RNF130: variants seen among roughly 807,000 people sequenced by gnomAD.
RNF130 encodes E3 ubiquitin-protein ligase RNF130.
RNF130 carries 21 observed loss-of-function variants against 44.6 expected under a neutral mutation model. That is an observed-to-expected ratio of 0.47 (90% confidence interval 0.33 to 0.68). RNF130 has a LOEUF of 0.68. RNF130 is among the 30% of genes least tolerant of loss of function. The pLI, the probability that RNF130 is intolerant of heterozygous loss-of-function variation, is 0.02. For missense variants in RNF130, 479 were observed against 560.6 expected, an observed-to-expected ratio of 0.85 and a Z score of 1.47; for synonymous variants, 214 against 210.4, an observed-to-expected ratio of 1.02 and a Z score of -0.15.
chr5:179,971,393 G>A (rs1053360667), intron 5 of RNF130, among the ~76,000 whole-genome samples: 3 of 152,150 alleles, frequency 2.0e-5, no homozygotes, highest in African/African-American at 4.8e-5. Context: ...TTTTTGAGAC[G>A]GAGTCTTGCT....
intron 3 of RNF130, among the ~76,000 whole-genome samples, chr5:180,009,356 G>A (rs1019556299): frequency 3.9e-5 from 6 of 152,140 alleles, no homozygotes; most frequent in East Asian, 1.9e-4. Context: ...CATATTTGAC[G>A]AAGGACTTGT....
intron 2 of RNF130, among the ~76,000 whole-genome samples, chr5:180,038,708 T>C (rs1764335651): frequency 6.6e-6 from 1 of 152,126 alleles, no homozygotes; most frequent in Admixed American, 6.6e-5. Context: ...ACAAGTAATT[T>C]AATTTTTTTT....
chr5:179,951,653 A>C (rs1183840089), downstream of RNF130, among the ~76,000 whole-genome samples: 1 of 152,228 alleles, frequency 6.6e-6, no homozygotes, highest in Non-Finnish European at 1.5e-5. Context: ...TCTCCAGGAT[A>C]GACCATGTTA....
At chr5:180,040,905 T>TA (rs1561703527) in intron 1 of RNF130, among the ~76,000 whole-genome samples, 3 of 151,944 alleles carry the variant, frequency 2.0e-5, no homozygotes, top group South Asian at 4.2e-4. Context: ...TGATAAAAAA[T>TA]AAAAAAGGAC....
At chr5:180,010,567 C>T (rs1763570324) in intron 3 of RNF130, among the ~76,000 whole-genome samples, 1 of 152,090 alleles carries the variant, frequency 6.6e-6, no homozygotes, top group Non-Finnish European at 1.5e-5. Flanking sequence ...GCCATGTTGG[C>T]CAGGCTGGTC....
chr5:179,937,931 T>TGA lies in RNF130; in HGVS notation c.1151-17506_1151-17505insTC, dbSNP rs1352445372. 2.8e-3 allele frequency among the ~76,000 whole-genome samples: 370 copies of TGA among 131,038 alleles called. 1 individual carries two copies. Among genetic ancestry groups the TGA allele is most frequent in the Middle Eastern group, 7.8e-3 (2 of 258 alleles). 86.0% of individuals were successfully genotyped at this position (131,038 alleles called of 152,430 possible). ...GTGTGTGTGTGTGTGTGTGTGTGTGTGTGAGAGAGAGAGAGAGAGAGAGAG... is the reference window on the plus strand; with the variant it reads ...GTGTGTGTGTGTGTGTGTGTGTGTGTGAGTGAGAGAGAGAGAGAGAGAGAGAG... On this transcript the variant is annotated intron_variant, in intron 7 of 7. Coordinates refer to the RNF130 transcript ENST00000522208.
At chr5:179,968,951 C>A (rs1582149749) in intron 6 of RNF130, among the ~76,000 whole-genome samples, 1 of 152,192 alleles carries the variant, frequency 6.6e-6, no homozygotes, top group African/African-American at 2.4e-5. Flanking sequence ...TCACTACTGA[C>A]ATGATCTCTG....
In RNF130 at chr5:180,043,141, A is replaced by T. The variant is rs559820172; in HGVS notation, c.248-2494T>A. On this transcript the variant is annotated intron_variant, in intron 1 of 8. Transcript: ENST00000521389. ...AAGACTAGCCTGGGCACATAGTAAG[A>T]CCCTCATCTCTACACAAAATAAAAA... Among the ~76,000 whole-genome samples the T allele has an allele frequency of 2.6e-5, 4 of 152,136 alleles. No homozygotes were observed. The South Asian group carries it at 8.3e-4, about 32-fold the overall frequency.
chr5:179,994,545 T>C (rs765534707), intron 3 of RNF130, among the ~76,000 whole-genome samples: 1 of 152,154 alleles, frequency 6.6e-6, no homozygotes, highest in Non-Finnish European at 1.5e-5. Context: ...TGAGTAGGAT[T>C]GTTTGACTTT....
intron 2 of RNF130, among the ~76,000 whole-genome samples, chr5:180,018,372 C>T (rs1763791588): frequency 6.6e-6 from 1 of 151,964 alleles, no homozygotes; most frequent in Non-Finnish European, 1.5e-5. Context: ...CTAGGGAAGC[C>T]TCAGGAAACT....
intron 3 of RNF130, among the ~76,000 whole-genome samples, chr5:180,011,577 C>T (rs1763596876): frequency 6.6e-6 from 1 of 152,042 alleles, no homozygotes; most frequent in African/African-American, 2.4e-5. Flanking sequence ...ACCAGCCTGG[C>T]CAACACTGCA....
chr5:180,054,244 T>G (rs993009981), intron 1 of RNF130, among the ~76,000 whole-genome samples: 5 of 152,328 alleles, frequency 3.3e-5, no homozygotes, highest in African/African-American at 1.2e-4. Flanking sequence ...TTGAGATGAT[T>G]TGTAACGACC....
intron 4 of RNF130, among the ~76,000 whole-genome samples, chr5:179,978,822 C>T (rs1343819047): frequency 6.6e-6 from 1 of 152,210 alleles, no homozygotes; most frequent in African/African-American, 2.4e-5. Context: ...CAATTCAATA[C>T]TCGGTCTTCA....
intron 7 of RNF130, 79 bp downstream of exon 7, chr5:179,966,727 T>C (rs1463376403): frequency 1.6e-6 from 2 of 1,273,206 alleles, no homozygotes; most frequent in African/African-American, 3.0e-5. Context: ...CTGAGGCGAG[T>C]GCCTTGACTC....
At chr5:180,062,013 C>T (rs1310414292) in intron 1 of RNF130, among the ~76,000 whole-genome samples, 1 of 151,398 alleles carries the variant, frequency 6.6e-6, no homozygotes, top group Non-Finnish European at 1.5e-5. Context: ...TGTGTCCTCA[C>T]ATGGCAGAAA....
At chr5:179,970,348 A>G in intron 6 of RNF130, 62 bp downstream of exon 6, 4 of 1,231,454 alleles carry the variant, frequency 3.2e-6, no homozygotes, top group Non-Finnish European at 4.6e-6. Context: ...ATTATGTTAT[A>G]TTGTATTACA....
At chr5:180,054,074 C>T (rs900340387) in intron 1 of RNF130, among the ~76,000 whole-genome samples, 4 of 152,112 alleles carry the variant, frequency 2.6e-5, no homozygotes, top group African/African-American at 7.2e-5. Context: ...CTCGGCCTCC[C>T]AAAGTGCTGG....
intron 1 of RNF130, among the ~76,000 whole-genome samples, chr5:180,059,276 G>C (rs1431628153): frequency 6.6e-6 from 1 of 151,970 alleles, no homozygotes; most frequent in African/African-American, 2.4e-5. Flanking sequence ...ATTTCTTCAG[G>C]GACGCCTTGA....
intron 1 of RNF130, among the ~76,000 whole-genome samples, chr5:180,058,581 A>G (rs778939872): frequency 3.9e-5 from 6 of 152,030 alleles, no homozygotes; most frequent in Non-Finnish European, 5.9e-5. Flanking sequence ...TTTGAGATGG[A>G]GTCTTGCTGT....
Sources: gnomAD v4.1 joint callset for allele counts (sites outside exome capture counted in the v4.1 genomes callset) on GRCh38, gnomAD v4.1.1 for gene constraint, MANE v1.5 for transcripts, NCBI Gene and HGNC (gene_info 2026-07-23, HGNC 2026-07-21) for gene names.